STAC2: variants seen among roughly 807,000 people sequenced by gnomAD.
STAC2 encodes the protein SH3 and cysteine rich domain 2.
Under a neutral mutation model 49.0 loss-of-function variants are expected in STAC2, and 36 were observed. That is an observed-to-expected ratio of 0.74 (90% CI 0.56 to 0.97). STAC2 has a LOEUF of 0.97. Among genes scored for constraint, STAC2 ranks in the 50% least tolerant of loss-of-function variants. The pLI, the probability that STAC2 is intolerant of heterozygous loss-of-function variation, is 0.00. For missense variants in STAC2, 527 were observed against 543.8 expected, an observed-to-expected ratio of 0.97 and a Z score of 0.31; for synonymous variants, 239 against 214.7, an observed-to-expected ratio of 1.11 and a Z score of -0.99.
chr17:39,214,825 C>T lies in STAC2; in HGVS notation c.809G>A (p.Gly270Glu), dbSNP rs149653307. 20 of 1,613,982 alleles carry T rather than the reference C, an allele frequency of 1.2e-5. 1 individual carries two copies. The African/African-American group carries it at 2.5e-4, about 20-fold the overall frequency. ...AGGACTCTTCTCCTCTGGTCCTGGC[C>T]CTTCACTCTCTGCTGGGGCTGTGAA... ...PVFTAPAESE[G>E]PGPEEKSPGQ... Residue 270 changes from glycine to glutamate, a missense_variant, in exon 7 of 11, where the codon GGG becomes GAG. Gly to Glu is a moderately conservative substitution (Grantham distance 98, BLOSUM62 -2). Transcript: ENST00000333461.
In STAC2 at chr17:39,220,526, G is replaced by C. The variant is rs532881471; in HGVS notation, c.91-2353C>G. Among the ~76,000 whole-genome samples, 108 of 151,646 alleles carry C rather than the reference G, an allele frequency of 7.1e-4. 1 individual carries two copies. The highest frequency in any genetic ancestry group is 7.8e-4 in the East Asian group (4 of 5,158). On this transcript the variant is annotated intron_variant, in intron 1 of 10. Transcript: ENST00000333461. ...GTCTCACTCTGTCACCCAGGCTGGA[G>C]TGCAGTGGCACGATCTCAGCTCACT...
intron 7 of STAC2, 51 bp from the exon 8 acceptor site, chr17:39,214,381 C>T (rs1453052476): frequency 6.2e-7 from 1 of 1,610,562 alleles, no homozygotes; most frequent in Non-Finnish European, 8.5e-7. Context: ...CCTCACTCCC[C>T]CCACTCTCCA....
rs146192843 is a variant in STAC2 at position 39,214,314 on chromosome 17, A to C, written c.860T>G (p.Leu287Arg). 1.4e-5 allele frequency: 23 copies of C among 1,613,966 alleles called. No individual in the cohort carries two copies. Among genetic ancestry groups the C allele is most frequent in the Non-Finnish European group, 5.9e-6 (7 of 1,179,896 alleles). Residue 287 changes from leucine (L) to arginine (R), a missense_variant, in exon 8 of 11, where the codon CTG becomes CGG. Leu to Arg is a moderately radical substitution (Grantham distance 102). Transcript: ENST00000333461. ...GTACATGGGCCCCACATCCTTCCGC[A>C]GGGTGGCTTTGGGGAGCTGCGGGAG... ...SPGQQLPKAT[L>R]RKDVGPMYSY...
At chr17:39,216,745 C>G in intron 4 of STAC2, 65 bp downstream of exon 4, 1 of 1,449,568 alleles carries the variant, frequency 6.9e-7, no homozygotes, top group Non-Finnish European at 9.4e-7. Flanking sequence ...CCAGGCTGGT[C>G]AGGGATGTTG....
chr17:39,216,288 A>G (rs1294685029), intron 4 of STAC2, among the ~76,000 whole-genome samples: 2 of 152,174 alleles, frequency 1.3e-5, no homozygotes, highest in Non-Finnish European at 2.9e-5. Context: ...AGCTTTCAGC[A>G]CACATTCTAT....
rs892896074 is a variant in STAC2, at chr17:39,225,806, C to G, written c.-304G>C. The G allele has an allele frequency of 1.0e-5, 4 of 399,436 alleles. No individual in the cohort carries two copies. Among genetic ancestry groups the G allele is most frequent in the Admixed American group, 4.4e-5 (1 of 22,848 alleles). 24.7% of individuals were successfully genotyped at this position (399,436 alleles called of 1,614,324 possible). ...GGGAAGTGGGGCCGCGGGGATGAGC[C>G]GAGGGAGGGAGCCAAGGAGCTGTCC... On this transcript the variant is annotated 5_prime_UTR_variant, in exon 1 of 11. Coordinates refer to ENST00000333461, the MANE Select transcript of STAC2 (RefSeq NM_198993.5). The surrounding 1 kb of genome is among the most constrained non-coding windows in gnomAD (Gnocchi z 8.2).
At position 39,219,741 on chromosome 17, in the gene STAC2, A is replaced by G. The variant is rs146485055; in HGVS notation, c.91-1568T>C. 8.1e-3 allele frequency among the ~76,000 whole-genome samples: 1,232 copies of G among 152,320 alleles called. 24 individuals carry two copies. Among genetic ancestry groups the G allele is most frequent in the African/African-American group, 0.028 (1,176 of 41,572 alleles). On this transcript the variant is annotated intron_variant, in intron 1 of 10. Coordinates refer to ENST00000333461, the MANE Select transcript of STAC2 (RefSeq NM_198993.5). ...CAAACACACCCTACTGAGTCTTCCC[A>G]GAGAGAGGTCTGGAAACCTCTTGAC...
chr17:39,214,010 A>G (rs1317976883), intron 8 of STAC2, among the ~76,000 whole-genome samples: 1 of 152,000 alleles, frequency 6.6e-6, no homozygotes, highest in Non-Finnish European at 1.5e-5. Flanking sequence ...AGAGGACACC[A>G]TGTGACCACA....
intron 4 of STAC2, among the ~76,000 whole-genome samples, chr17:39,216,067 A>T (rs2046399332): frequency 6.6e-6 from 1 of 152,188 alleles, no homozygotes; most frequent in Non-Finnish European, 1.5e-5. Context: ...TCCAGATCCT[A>T]AATGGATGAA....
intron 8 of STAC2, among the ~76,000 whole-genome samples, 182 bp from the exon 9 acceptor site, chr17:39,213,740 G>A (rs965861208): frequency 4.1e-5 from 6 of 147,860 alleles, no homozygotes; most frequent in Admixed American, 3.4e-4. Flanking sequence ...GCAGAGGCAC[G>A]ATCTTGGCTC....
At position 39,214,282 on chromosome 17, in the gene STAC2, C is replaced by T. The variant is rs953165726; in HGVS notation, c.892G>A (p.Val298Ile). The T allele has an allele frequency of 7.4e-6, 12 of 1,613,910 alleles. No homozygotes were observed. The highest frequency in any genetic ancestry group is 4.0e-5 in the African/African-American group (3 of 74,906). The stretch of plus-strand genomic sequence containing the variant: ...TGGGGCAGAAACTTGTAGAGTGCAA[C>T]GTAGGAGTACATGGGCCCCACATCC... ...RKDVGPMYSYVALYKFLPQEN... is the reference protein window; with the variant it reads ...RKDVGPMYSYIALYKFLPQEN... The change falls in exon 8 of 11, where the codon GTT becomes ATT. Residue 298 changes from valine to isoleucine, a missense_variant. Val to Ile is a conservative substitution (Grantham distance 29). Transcript: ENST00000333461.
In STAC2 at chr17:39,211,455, T is replaced by G. The variant is rs745516038; in HGVS notation, c.*837A>C. On this transcript the variant is annotated 3_prime_UTR_variant, in exon 11 of 11. Transcript: ENST00000333461. ...AGACCCCCATCATGCCTGGCTAAGT[T>G]TCGTACTTTTAGTAGAGACGGGGTT... The G allele has an allele frequency of 1.3e-5, 2 of 152,098 alleles. No homozygotes were observed. The highest frequency in any genetic ancestry group is 2.9e-5 in the Non-Finnish European group (2 of 68,044). The allele number at this position is 152,098 out of a possible 1,614,324, so 9.4% of individuals were successfully genotyped here. A position where few individuals can be genotyped will look rare whatever the true frequency, so the allele number is the denominator to read the frequency against.
In STAC2 at chr17:39,215,042, G is replaced by C. The variant is rs1242054685; in HGVS notation, c.700-19C>G. The stretch of plus-strand genomic sequence containing the variant: ...GCTCACTCTAGGGACAGAGAGAGGA[G>C]AGGGCTCAGCCCCCGAGCCCACTGT... On this transcript the variant is annotated intron_variant, in intron 5 of 10. Transcript: ENST00000333461. 1 of 1,614,108 alleles carries C rather than the reference G, an allele frequency of 6.2e-7. No individual in the cohort carries two copies. The highest frequency in any genetic ancestry group is 8.5e-7 in the Non-Finnish European group (1 of 1,180,018).
chr17:39,211,726 GAC>G lies in STAC2; in HGVS notation c.*564_*565del, dbSNP rs753641632. ...AAACTTTCCTGAGAATTGACGGAAT[GAC>G]AGAGGTGGAGACCAGGAGGTGGACT... On this transcript the variant is annotated 3_prime_UTR_variant, in exon 11 of 11. Coordinates refer to ENST00000333461, the MANE Select transcript of STAC2 (RefSeq NM_198993.5). 2 of 152,756 alleles carry G rather than the reference GAC, an allele frequency of 1.3e-5. No homozygotes were observed. The highest frequency in any genetic ancestry group is 2.9e-5 in the Non-Finnish European group (2 of 68,074). 9.5% of individuals were successfully genotyped at this position (152,756 alleles called of 1,614,324 possible). A position where few individuals can be genotyped will look rare whatever the true frequency, so the allele number is the denominator to read the frequency against.
Position 39,214,907 on chromosome 17 carries a change from T to G in STAC2, c.772+44A>C, listed in dbSNP as rs774584971. The G allele has an allele frequency of 3.0e-5, 49 of 1,613,902 alleles. 1 individual carries two copies. In the South Asian group the frequency reaches 4.9e-4, roughly 16 times the overall value. On this transcript the variant is annotated intron_variant, in intron 6 of 10. Transcript: ENST00000333461. ...GGGTGAGAGGCAGCAGGGAGCACCCTCCATTGTACCCCATTCCTGCCCTTG... is the reference window on the plus strand; with the variant it reads ...GGGTGAGAGGCAGCAGGGAGCACCCGCCATTGTACCCCATTCCTGCCCTTG...
chr17:39,218,481 C>G (rs572729687), intron 1 of STAC2, among the ~76,000 whole-genome samples: 6 of 152,206 alleles, frequency 3.9e-5, no homozygotes, highest in Non-Finnish European at 8.8e-5. Context: ...AGCTGCAGGT[C>G]TCCTCAAGCC....
intron 1 of STAC2, among the ~76,000 whole-genome samples, chr17:39,220,078 T>G (rs1190092047): frequency 6.6e-6 from 1 of 152,204 alleles, no homozygotes; most frequent in African/African-American, 2.4e-5. Flanking sequence ...CCCTGGGGTG[T>G]CTGGCACACT....
rs2046506344 is a variant in STAC2, at chr17:39,225,604, C to G, written c.-102G>C. ...TCTCCGGGACTCTGAAGCCGTTCTCCAGAGGCTGCCCCCAGTTAGCCCCCG... is the reference window on the plus strand; with the variant it reads ...TCTCCGGGACTCTGAAGCCGTTCTCGAGAGGCTGCCCCCAGTTAGCCCCCG... On this transcript the variant is annotated 5_prime_UTR_variant, in exon 1 of 11. Transcript: ENST00000333461. This position sits in a 1 kb window ranked among gnomAD's most constrained non-coding sequence, Gnocchi z 8.2. The G allele has an allele frequency of 1.8e-6, 2 of 1,128,646 alleles. No homozygotes were observed. The highest frequency in any genetic ancestry group is 2.6e-6 in the Non-Finnish European group (2 of 772,154). The allele number at this position is 1,128,646 out of a possible 1,614,324, so 69.9% of individuals were successfully genotyped here. A position where few individuals can be genotyped will look rare whatever the true frequency, so the allele number is the denominator to read the frequency against.
intron 1 of STAC2, among the ~76,000 whole-genome samples, chr17:39,222,146 C>A (rs36106822): frequency 6.6e-6 from 1 of 152,132 alleles, no homozygotes. Flanking sequence ...TTTGAAGACA[C>A]CATCAGTCAT....
Sources: allele counts gnomAD v4.1 joint callset (sites outside exome capture counted in the v4.1 genomes callset), GRCh38; gene constraint gnomAD v4.1.1; non-coding constraint Gnocchi (gnomAD v3.1); transcripts MANE v1.5; gene names NCBI Gene and HGNC (gene_info 2026-07-23, HGNC 2026-07-21).